FLVCR1: variants seen among roughly 807,000 people sequenced by gnomAD.
FLVCR1 encodes the protein choline/ethanolamine transporter FLVCR1.
Under a neutral mutation model 53.6 loss-of-function variants are expected in FLVCR1, and 34 were observed. The observed-to-expected ratio is 0.63, with a 90% CI of 0.48 to 0.84. The LOEUF (loss-of-function observed/expected upper bound fraction) is 0.84. Ranked by LOEUF, FLVCR1 falls within the 40% of genes least tolerant of loss-of-function variation. The probability of loss-of-function intolerance (pLI) is 0.00; values close to 1 mark genes in which losing one functional copy is unlikely to be tolerated. For synonymous variants in FLVCR1, 300 were observed against 286.3 expected (o/e 1.05, Z -0.48); for missense variants, 677 against 696.7 (o/e 0.97, Z 0.32).
At chr1:212,885,596 G>C in intron 5 of FLVCR1, 200 bp downstream of exon 5, 1 of 494,954 alleles carries the variant, frequency 2.0e-6, no homozygotes, top group Non-Finnish European at 3.5e-6. Context: ...TGTCGCCCAG[G>C]CTAGAGTGCA....
chr1:212,889,502 C>T (rs1665136916), intron 8 of FLVCR1, among the ~76,000 whole-genome samples: 1 of 152,188 alleles, frequency 6.6e-6, no homozygotes, highest in Admixed American at 6.5e-5. Flanking sequence ...TGTGTTGGCT[C>T]ATGCCTGTAA....
intron 3 of FLVCR1, among the ~76,000 whole-genome samples, chr1:212,882,343 T>A (rs1664953349): frequency 6.6e-6 from 1 of 152,106 alleles, no homozygotes; most frequent in African/African-American, 2.4e-5. Flanking sequence ...CATGGATACA[T>A]CTCAAAACCA....
chr1:212,874,526 C>CTTTTTTTTTTT (rs61497441), intron 3 of FLVCR1, among the ~76,000 whole-genome samples: 2 of 120,878 alleles, frequency 1.7e-5, no homozygotes, highest in African/African-American at 3.2e-5. Context: ...TTCTTTTTTT[C>CTTTTTTTTTTT]TTTTTTTTTT....
chr1:212,877,311 C>T (rs898277058), intron 3 of FLVCR1, among the ~76,000 whole-genome samples: 5 of 151,770 alleles, frequency 3.3e-5, no homozygotes, highest in African/African-American at 1.2e-4. Flanking sequence ...TATTATCTCC[C>T]CAATTAGATG....
At chr1:212,863,362 C>A (rs981637695) in intron 1 of FLVCR1, among the ~76,000 whole-genome samples, 1 of 152,074 alleles carries the variant, frequency 6.6e-6, no homozygotes, top group Non-Finnish European at 1.5e-5. Flanking sequence ...GAGGCCGAGG[C>A]GGGCGGATCA....
chr1:212,871,267 AAGTAC>A lies in FLVCR1; in HGVS notation c.884-1406_884-1402del, dbSNP rs370041895. Among the ~76,000 whole-genome samples the A allele has an allele frequency of 3.0e-4, 46 of 152,316 alleles. No homozygotes were observed. In the East Asian group the frequency reaches 7.9e-3, roughly 26 times the overall value. On this transcript the variant is annotated intron_variant, in intron 2 of 9. Transcript: ENST00000366971. ...GTATTAGAGTATCTTAGATTCAATG[AAGTAC>A]AGTATTTTCCTTCTATTGTAATTAA...
At chr1:212,860,370 T>TTTTTTTTTTTTTTTTTTTTTTTTTTA (rs1664192761) in intron 1 of FLVCR1, among the ~76,000 whole-genome samples, 2 of 142,722 alleles carry the variant, frequency 1.4e-5, no homozygotes, top group East Asian at 2.1e-4. Context: ...TTTTTTTTTG[T>TTTTTTTTTTTTTTTTTTTTTTTTTTA]AGAAATGGGG....
intron 3 of FLVCR1, among the ~76,000 whole-genome samples, chr1:212,877,686 G>GTTTTT (rs56783462): frequency 0.014 from 1,813 of 127,072 alleles, 61 homozygotes; most frequent in Middle Eastern, 0.029. Flanking sequence ...TCTGATGATA[G>GTTTTT]TTTTTTTTTT....
rs1448050783 is a variant in FLVCR1 at position 212,877,940 on chromosome 1, G to A, written c.1024+5122G>A. ...ACACAAGAAAGAAGAAAAGGTATACGAAACAGAAAAAAAGGTGTTATTGCT... is the reference window on the plus strand; with the variant it reads ...ACACAAGAAAGAAGAAAAGGTATACAAAACAGAAAAAAAGGTGTTATTGCT... On this transcript the variant is annotated intron_variant, in intron 3 of 9. Transcript: ENST00000366971. 3.3e-5 allele frequency among the ~76,000 whole-genome samples: 5 copies of A among 151,960 alleles called. No homozygotes were observed. In the East Asian group the frequency reaches 9.6e-4, roughly 29 times the overall value.
At chr1:212,861,376 T>C (rs10864010) in intron 1 of FLVCR1, among the ~76,000 whole-genome samples, 66,744 of 152,032 alleles carry the variant, frequency 0.44, 15,705 homozygotes, top group East Asian at 0.53. Context: ...TTCTTTTCAT[T>C]CTTTTTGATA....
chr1:212,884,408 A>T (rs1480253799), intron 4 of FLVCR1, among the ~76,000 whole-genome samples: 2 of 152,208 alleles, frequency 1.3e-5, no homozygotes, highest in Non-Finnish European at 2.9e-5. Flanking sequence ...AAAAAACGAA[A>T]CAAAACAAAA....
chr1:212,890,647 G>A (rs1441404287), intron 8 of FLVCR1, among the ~76,000 whole-genome samples: 2 of 152,092 alleles, frequency 1.3e-5, no homozygotes, highest in Admixed American at 6.5e-5. Context: ...GTGGGGTCTT[G>A]GAATCAATCC....
rs965496146 is a variant in FLVCR1 at position 212,899,349 on chromosome 1, A to AT, written c.*4066dup. On this transcript the variant is annotated 3_prime_UTR_variant, in exon 10 of 10. Coordinates refer to ENST00000366971, the MANE Select transcript of FLVCR1 (RefSeq NM_014053.4). The stretch of plus-strand genomic sequence containing the variant: ...AGTATTTCAGACTCAAAATAAATTT[A>AT]TTTTTTTATGTTAATTTTCTGTGAC... 6.6e-6 allele frequency: 1 copy of AT among 152,064 alleles called. No individual in the cohort carries two copies. The highest frequency in any genetic ancestry group is 1.5e-5 in the Non-Finnish European group (1 of 67,982). 9.4% of individuals were successfully genotyped at this position (152,064 alleles called of 1,614,324 possible). A position where few individuals can be genotyped will look rare whatever the true frequency, so the allele number is the denominator to read the frequency against.
intron 1 of FLVCR1, among the ~76,000 whole-genome samples, chr1:212,860,350 G>GTTTTTTTTTTTTTTTTTGTTTTTTTTT (rs1664188755): frequency 1.2e-5 from 1 of 85,824 alleles, no homozygotes; most frequent in African/African-American, 3.8e-5. Context: ...TGTGTGTGTG[G>GTTTTTTTTTTTTTTTTTGTTTTTTTTT]TTTTTTTTTT....
At position 212,897,868 on chromosome 1, in the gene FLVCR1, G is replaced by A. The variant is rs1284856; in HGVS notation, c.*2578G>A. The A allele has an allele frequency of 0.42, 64,509 of 152,072 alleles. 15,143 individuals are homozygous for A. The highest frequency in any genetic ancestry group is 0.6 in the African/African-American group (24,932 of 41,440). 9.4% of individuals were successfully genotyped at this position (152,072 alleles called of 1,614,324 possible). A position where few individuals can be genotyped will look rare whatever the true frequency, so the allele number is the denominator to read the frequency against. Reference sequence around the variant, plus strand: ...TCAACATTGGGGATTACATTTCAATGTGAGATTGGAGGGACAAGTATCCCA... The same window carrying A: ...TCAACATTGGGGATTACATTTCAATATGAGATTGGAGGGACAAGTATCCCA... On this transcript the variant is annotated 3_prime_UTR_variant, in exon 10 of 10. Transcript: ENST00000366971.
At chr1:212,876,465 AG>A (rs1279685955) in intron 3 of FLVCR1, among the ~76,000 whole-genome samples, 2 of 151,434 alleles carry the variant, frequency 1.3e-5, no homozygotes, top group Non-Finnish European at 2.9e-5. Context: ...TCCCAGGTTC[AG>A]GTGATTCTCC....
chr1:212,879,795 G>A (rs995932690), intron 3 of FLVCR1, among the ~76,000 whole-genome samples: 7 of 152,034 alleles, frequency 4.6e-5, no homozygotes, highest in Non-Finnish European at 1.0e-4. Context: ...GACCTCATGT[G>A]ATCCATCCAC....
intron 3 of FLVCR1, among the ~76,000 whole-genome samples, chr1:212,881,948 G>T (rs1384674544): frequency 6.6e-6 from 1 of 152,126 alleles, no homozygotes; most frequent in Non-Finnish European, 1.5e-5. Context: ...CAGTAATCAA[G>T]GAAATACAAA....
At chr1:212,872,429 T>A (rs1664626731) in intron 2 of FLVCR1, among the ~76,000 whole-genome samples, 1 of 152,240 alleles carries the variant, frequency 6.6e-6, no homozygotes, top group African/African-American at 2.4e-5. Flanking sequence ...GCAGTTCACT[T>A]ATATGAATTG....
Sources: gnomAD v4.1 joint callset for allele counts (sites outside exome capture counted in the v4.1 genomes callset) on GRCh38, gnomAD v4.1.1 for gene constraint, MANE v1.5 for transcripts, NCBI Gene and HGNC (gene_info 2026-07-23, HGNC 2026-07-21) for gene names.